The following OCA2 variants were observed in gnomAD, a reference collection of about 807,000 sequenced individuals.
OCA2 encodes the protein P protein.
OCA2 carries 77 observed loss-of-function variants against 100.2 expected under a neutral mutation model. The observed-to-expected ratio is 0.77, with a 90% CI of 0.64 to 0.93. OCA2 has a LOEUF of 0.93. OCA2 is among the 40% of genes least tolerant of loss of function. The pLI is 0.00. For missense variants in OCA2, 1,062 were observed against 1,089.1 expected, an observed-to-expected ratio of 0.98 and a Z score of 0.35; for synonymous variants, 432 against 439.2, an observed-to-expected ratio of 0.98 and a Z score of 0.21.
At chr15:28,009,071 A>T (rs1380335884) in intron 9 of OCA2, among the ~76,000 whole-genome samples, 1 of 152,224 alleles carries the variant, frequency 6.6e-6, no homozygotes, top group Non-Finnish European at 1.5e-5. Context: ...ACTGCTGGAG[A>T]GCCCATAGGG....
intron 17 of OCA2, 148 bp downstream of exon 17, chr15:27,955,010 C>T (rs1356243249): frequency 1.2e-5 from 9 of 734,944 alleles, no homozygotes; most frequent in African/African-American, 3.5e-5. Context: ...TCCCCATCCA[C>T]TCACACACAT....
At chr15:27,826,973 C>T (rs974755613) in intron 23 of OCA2, among the ~76,000 whole-genome samples, 3 of 152,254 alleles carry the variant, frequency 2.0e-5, no homozygotes, top group Non-Finnish European at 2.9e-5. Flanking sequence ...GCTTCCTGCC[C>T]TCCGCATGGT....
intron 23 of OCA2, 52 bp from the exon 24 acceptor site, chr15:27,755,524 T>C (rs745946087): frequency 1.8e-5 from 25 of 1,405,680 alleles, no homozygotes; most frequent in Non-Finnish European, 2.5e-5. Flanking sequence ...GATAATCTCA[T>C]GAGATACGGA....
intron 23 of OCA2, among the ~76,000 whole-genome samples, chr15:27,783,968 G>T (rs563903329): frequency 4.1e-4 from 63 of 152,318 alleles, no homozygotes; most frequent in African/African-American, 1.5e-3. Context: ...TAAAGCAGGG[G>T]AGGAGAGGCA....
chr15:27,924,770 A>G (rs1488438140), intron 19 of OCA2, among the ~76,000 whole-genome samples: 1 of 152,242 alleles, frequency 6.6e-6, no homozygotes, highest in African/African-American at 2.4e-5. Flanking sequence ...GAAAAAAGAT[A>G]TGAGATATAG....
intron 23 of OCA2, among the ~76,000 whole-genome samples, chr15:27,813,495 T>C (rs2034161775): frequency 6.6e-6 from 1 of 152,014 alleles, no homozygotes; most frequent in Non-Finnish European, 1.5e-5. Context: ...GACATAGAAA[T>C]GGGAGGAAAT....
the OCA2 span, among the ~76,000 whole-genome samples, chr15:27,747,316 T>G: frequency 6.6e-6 from 1 of 152,130 alleles, no homozygotes; most frequent in Non-Finnish European, 1.5e-5. Flanking sequence ...AATGTAAAAG[T>G]CAGAAATGTG....
At chr15:27,766,326 T>C (rs2031257858) in intron 23 of OCA2, among the ~76,000 whole-genome samples, 1 of 152,226 alleles carries the variant, frequency 6.6e-6, no homozygotes, top group Admixed American at 6.5e-5. Context: ...CTCATGGCAC[T>C]GAAGCATGCC....
At chr15:27,996,143 A>C (rs1205258434) in intron 9 of OCA2, among the ~76,000 whole-genome samples, 1 of 152,154 alleles carries the variant, frequency 6.6e-6, no homozygotes, top group African/African-American at 2.4e-5. Context: ...ATGTGTCATA[A>C]AAGAAATAAA....
intron 2 of OCA2, among the ~76,000 whole-genome samples, chr15:28,057,498 C>A (rs905165480): frequency 1.3e-5 from 2 of 152,124 alleles, no homozygotes; most frequent in African/African-American, 4.8e-5. Context: ...CCTGCCCAGC[C>A]ACTGTCACTG....
rs369150526 is a variant in OCA2, at chr15:27,950,503, A to G, written c.1951+1281T>C. 26 of 515,294 alleles carry G rather than the reference A, an allele frequency of 5.0e-5. No homozygotes were observed. In the East Asian group the frequency reaches 8.3e-4, roughly 16 times the overall value. 31.9% of individuals were successfully genotyped at this position (515,294 alleles called of 1,614,324 possible). A position where few individuals can be genotyped will look rare whatever the true frequency, so the allele number is the denominator to read the frequency against. On this transcript the variant is annotated intron_variant, in intron 18 of 23. Coordinates refer to ENST00000354638, the MANE Select transcript of OCA2 (RefSeq NM_000275.3). ...GGATCATTACCTCATCAGGATTCCA[A>G]GCAGATCAGCTCTCAGGTGTGGATA...
At chr15:28,005,971 C>G (rs981761181) in intron 9 of OCA2, among the ~76,000 whole-genome samples, 9 of 152,176 alleles carry the variant, frequency 5.9e-5, no homozygotes, top group African/African-American at 2.2e-4. Flanking sequence ...GCGCCACACC[C>G]TGGTGAGAAA....
At chr15:27,833,519 C>T (rs888971243) in intron 23 of OCA2, among the ~76,000 whole-genome samples, 2 of 152,306 alleles carry the variant, frequency 1.3e-5, no homozygotes, top group Admixed American at 6.5e-5. Flanking sequence ...TCTTTGAAGT[C>T]GCTTTAAGGC....
intron 23 of OCA2, among the ~76,000 whole-genome samples, chr15:27,783,258 C>T (rs2032638059): frequency 6.6e-6 from 1 of 152,152 alleles, no homozygotes; most frequent in Non-Finnish European, 1.5e-5. Flanking sequence ...ATTACTGGAA[C>T]ATTATAGGCA....
At chr15:27,959,347 A>G (rs2040334387) in intron 15 of OCA2, among the ~76,000 whole-genome samples, 1 of 151,384 alleles carries the variant, frequency 6.6e-6, no homozygotes, top group South Asian at 2.1e-4. Flanking sequence ...CTATGAGGCT[A>G]TGATAACATA....
chr15:27,953,134 C>G (rs925512024), intron 17 of OCA2, among the ~76,000 whole-genome samples: 2 of 152,332 alleles, frequency 1.3e-5, no homozygotes, highest in Admixed American at 6.5e-5. Context: ...TATCTACCAT[C>G]ATAGTGATCT....
chr15:27,851,181 T>C (rs1024782575), intron 22 of OCA2, among the ~76,000 whole-genome samples: 1 of 152,104 alleles, frequency 6.6e-6, no homozygotes, highest in African/African-American at 2.4e-5. Context: ...GCCCGGGAAG[T>C]CGGGGGCAGC....
chr15:27,889,005 A>C (rs1381300545), intron 19 of OCA2, among the ~76,000 whole-genome samples: 1 of 152,182 alleles, frequency 6.6e-6, no homozygotes, highest in African/African-American at 2.4e-5. Context: ...TGGAGGAATT[A>C]ATGTAGAATT....
chr15:27,932,986 A>G (rs2039310191), intron 18 of OCA2, among the ~76,000 whole-genome samples: 1 of 152,188 alleles, frequency 6.6e-6, no homozygotes. Context: ...AGAAAAAAAA[A>G]ACAGGCTAAT....
Sources: allele counts gnomAD v4.1 joint callset (sites outside exome capture counted in the v4.1 genomes callset), GRCh38; gene constraint gnomAD v4.1.1; transcripts MANE v1.5; gene names NCBI Gene and HGNC (gene_info 2026-07-23, HGNC 2026-07-21).